YIPF5: variants seen among roughly 807,000 people sequenced by gnomAD.
YIPF5 encodes protein YIPF5.
A neutral mutation model predicts 30.4 loss-of-function variants in YIPF5; 8 were observed. The observed-to-expected ratio is 0.26, with a 90% CI of 0.15 to 0.47. The LOEUF (loss-of-function observed/expected upper bound fraction) is 0.47, where lower values mean the gene tolerates loss of function less well. YIPF5 is among the 20% of genes least tolerant of loss of function. The pLI is 0.99. For missense variants in YIPF5, 282 were observed against 301.8 expected (o/e 0.93, Z 0.49); for synonymous variants, 104 against 107.9 (o/e 0.96, Z 0.23).
chr5:144,168,813 T>C (rs1427678688), intron 2 of YIPF5, among the ~76,000 whole-genome samples: 1 of 152,226 alleles, frequency 6.6e-6, no homozygotes, highest in Non-Finnish European at 1.5e-5. Flanking sequence ...TTTTGTTTTT[T>C]AAATTCTTGG....
rs1490752989 is a variant in YIPF5 at position 144,165,615 on chromosome 5, A to G, written c.111-11T>C. 1 of 1,612,596 alleles carries G rather than the reference A, an allele frequency of 6.2e-7. No homozygotes were observed. The highest frequency in any genetic ancestry group is 8.5e-7 in the Non-Finnish European group (1 of 1,179,022). On this transcript the variant is annotated splice_polypyrimidine_tract_variant and intron_variant, in intron 2 of 5. Coordinates refer to ENST00000274496, the MANE Select transcript of YIPF5 (RefSeq NM_030799.9). The stretch of plus-strand genomic sequence containing the variant: ...TAGCCAGCATACTGTCTATAAATGA[A>G]AGAAAGTTAAATTTTTCAGAGGTAT...
intron 5 of YIPF5, among the ~76,000 whole-genome samples, chr5:144,161,499 A>C (rs1752044990): frequency 6.6e-6 from 1 of 151,776 alleles, no homozygotes. Context: ...GGCATGTGCT[A>C]CCATGCCCGG....
chr5:144,166,305 C>G (rs1297716471), intron 2 of YIPF5, among the ~76,000 whole-genome samples: 2 of 152,134 alleles, frequency 1.3e-5, no homozygotes, highest in Admixed American at 6.5e-5. Context: ...AACCCTGCAT[C>G]TAGAGGGAAA....
intron 5 of YIPF5, 141 bp from the exon 6 acceptor site, chr5:144,160,700 G>T (rs1752013744): frequency 4.2e-6 from 3 of 708,476 alleles, no homozygotes; most frequent in South Asian, 7.6e-5. Flanking sequence ...AAATAATCAG[G>T]ATTTTTTTTT....
At chr5:144,163,527 A>T (rs1752110450) in intron 4 of YIPF5, among the ~76,000 whole-genome samples, 1 of 152,190 alleles carries the variant, frequency 6.6e-6, no homozygotes, top group East Asian at 1.9e-4. Context: ...ACTCAGTTCA[A>T]GCCCAGCTCT....
At chr5:144,166,381 G>A (rs529395850) in intron 2 of YIPF5, among the ~76,000 whole-genome samples, 15 of 152,250 alleles carry the variant, frequency 9.9e-5, no homozygotes, top group African/African-American at 2.6e-4. Context: ...ACATCTTTAC[G>A]CATCTGTTCC....
rs755485684 is a variant in YIPF5, at chr5:144,160,590, G to C, written c.612-31C>G. The C allele has an allele frequency of 1.0e-5, 16 of 1,550,620 alleles. No homozygotes were observed. The South Asian group carries it at 1.7e-4, about 16-fold the overall frequency. ...AACAACAAGGAAAAAGGGGGGAGAAGAAAAAAAAGCAGATGAGATTAGTTA... is the reference window on the plus strand; with the variant it reads ...AACAACAAGGAAAAAGGGGGGAGAACAAAAAAAAGCAGATGAGATTAGTTA... On this transcript the variant is annotated intron_variant, in intron 5 of 5. Transcript: ENST00000274496.
chr5:144,161,734 C>T (rs1416609503), intron 5 of YIPF5, among the ~76,000 whole-genome samples: 1 of 152,176 alleles, frequency 6.6e-6, no homozygotes, highest in African/African-American at 2.4e-5. Context: ...CTGAGAAACA[C>T]CGCAGGCTGA....
chr5:144,164,478 T>A (rs2126759382), intron 3 of YIPF5, among the ~76,000 whole-genome samples: 1 of 152,182 alleles, frequency 6.6e-6, no homozygotes, highest in South Asian at 2.1e-4. Flanking sequence ...CTCAAACTCC[T>A]GAACTCAAAG....
Position 144,164,158 on chromosome 5 carries a change from C to A in YIPF5, c.382G>T (p.Ala128Ser), listed in dbSNP as rs1177012233. 1 of 1,613,286 alleles carries A rather than the reference C, an allele frequency of 6.2e-7. No homozygotes were observed. Among genetic ancestry groups the A allele is most frequent in the Non-Finnish European group, 8.5e-7 (1 of 1,179,622 alleles). The part of the protein sequence containing the change: ...DGSIMNETDL[A>S]GPMVFCLAFG... ...GCAAGGCAAAAAACCATTGGACCTG[C>A]CAAATCAGTTTCATTCATGATGCTG... The change falls in exon 4 of 6, where the codon GCA (alanine) becomes TCA (serine). Residue 128 changes from alanine (A) to serine (S), a missense_variant. Physicochemically the swap from Ala to Ser is moderately conservative, Grantham distance 99 (BLOSUM62 1). Coordinates refer to ENST00000274496, the MANE Select transcript of YIPF5 (RefSeq NM_030799.9).
At chr5:144,162,159 G>A (rs539807271) in intron 5 of YIPF5, 59 bp downstream of exon 5, 3 of 1,536,490 alleles carry the variant, frequency 2.0e-6, no homozygotes, top group Non-Finnish European at 2.7e-6. Context: ...CTGAAGATGA[G>A]GTGAATCCTA....
chr5:144,160,570 C>CA lies in YIPF5; in HGVS notation c.612-12dup, dbSNP rs1561512560. 6 of 1,596,550 alleles carry CA rather than the reference C, an allele frequency of 3.8e-6. No homozygotes were observed. The East Asian group carries it at 1.3e-4, about 36-fold the overall frequency. ...ATTCCTACCATTCCTCTGTAAACAA[C>CA]AAGGAAAAAGGGGGGAGAAGAAAAA... On this transcript the variant is annotated splice_polypyrimidine_tract_variant and intron_variant, in intron 5 of 5. Transcript: ENST00000274496.
rs566216485 is a variant in YIPF5 at position 144,158,963 on chromosome 5, G to C, written c.*1434C>G. 4.1e-6 allele frequency: 4 copies of C among 981,638 alleles called. No homozygotes were observed. The highest frequency in any genetic ancestry group is 1.3e-4 in the Admixed American group (2 of 15,892). 60.8% of individuals were successfully genotyped at this position (981,638 alleles called of 1,614,324 possible). On this transcript the variant is annotated 3_prime_UTR_variant, in exon 6 of 6. Transcript: ENST00000274496. The stretch of plus-strand genomic sequence containing the variant: ...TTCCTCCCTGTACCATATCTTTCTC[G>C]TAACTATAACTGAGCTTTGTCCAGA...
rs1320253315 is a variant in YIPF5 at position 144,165,561 on chromosome 5, G to C, written c.154C>G (p.Pro52Ala). ...TGTTGTGGCTGCATCATGTCTGGAG[G>C]GACAAATCTGCCTTGCTGCGAATAG... Reference protein sequence around the residue: ...YDYSQQGRFVPPDMMQPQQPY... With the variant: ...YDYSQQGRFVAPDMMQPQQPY... Residue 52 changes from proline to alanine, a missense_variant, in exon 3 of 6, where the codon CCT becomes GCT. By Grantham distance (27) the Pro-to-Ala change is conservative. Coordinates refer to ENST00000274496, the MANE Select transcript of YIPF5 (RefSeq NM_030799.9). 2 of 1,613,832 alleles carry C rather than the reference G, an allele frequency of 1.2e-6. No homozygotes were observed. Among genetic ancestry groups the C allele is most frequent in the East Asian group, 4.5e-5 (2 of 44,862 alleles).
Position 144,160,340 on chromosome 5 carries a change from A to G in YIPF5, c.*57T>C. On this transcript the variant is annotated 3_prime_UTR_variant, in exon 6 of 6. Transcript: ENST00000274496. ...CAGCAGTTTGCTGGTCCAATTTAAG[A>G]GTTCAAGGTCCTTTTTGTACATCTG... 2 of 1,557,410 alleles carry G rather than the reference A, an allele frequency of 1.3e-6. No individual in the cohort carries two copies. The highest frequency in any genetic ancestry group is 2.3e-5 in the East Asian group (1 of 44,064).
intron 4 of YIPF5, among the ~76,000 whole-genome samples, chr5:144,163,373 A>C (rs1752105558): frequency 6.6e-6 from 1 of 152,212 alleles, no homozygotes; most frequent in South Asian, 2.1e-4. Context: ...ACACTTGTAC[A>C]GTGTTTTTAA....
chr5:144,160,261 G>C lies in YIPF5; in HGVS notation c.*136C>G, dbSNP rs562629069. 2.0e-6 allele frequency: 3 copies of C among 1,488,636 alleles called. No homozygotes were observed. Among genetic ancestry groups the C allele is most frequent in the Non-Finnish European group, 2.7e-6 (3 of 1,121,736 alleles). 92.2% of individuals were successfully genotyped at this position (1,488,636 alleles called of 1,614,324 possible). A position where few individuals can be genotyped will look rare whatever the true frequency, so the allele number is the denominator to read the frequency against. ...CTATAAAAATGAACAAGAGATACAC[G>C]TTTACTTTCATTGCTCCAACAGTCA... On this transcript the variant is annotated 3_prime_UTR_variant, in exon 6 of 6. Transcript: ENST00000274496.
chr5:144,160,289 T>C lies in YIPF5; in HGVS notation c.*108A>G. The C allele has an allele frequency of 1.5e-5, 23 of 1,508,398 alleles. No homozygotes were observed. The highest frequency in any genetic ancestry group is 2.3e-5 in the East Asian group (1 of 43,860). 93.4% of individuals were successfully genotyped at this position (1,508,398 alleles called of 1,614,324 possible). A position where few individuals can be genotyped will look rare whatever the true frequency, so the allele number is the denominator to read the frequency against. On this transcript the variant is annotated 3_prime_UTR_variant, in exon 6 of 6. Coordinates refer to ENST00000274496, the MANE Select transcript of YIPF5 (RefSeq NM_030799.9). ...TACTTTCATTGCTCCAACAGTCAAATGTAAATCTGCATGAGAGTTGCGCTG... is the reference window on the plus strand; with the variant it reads ...TACTTTCATTGCTCCAACAGTCAAACGTAAATCTGCATGAGAGTTGCGCTG...
rs1403116735 is a variant in YIPF5, at chr5:144,159,613, T to G, written c.*784A>C. 1.2e-5 allele frequency: 12 copies of G among 985,210 alleles called. No individual in the cohort carries two copies. Among genetic ancestry groups the G allele is most frequent in the Non-Finnish European group, 1.4e-5 (12 of 829,864 alleles). 61.0% of individuals were successfully genotyped at this position (985,210 alleles called of 1,614,324 possible). A position where few individuals can be genotyped will look rare whatever the true frequency, so the allele number is the denominator to read the frequency against. ...AACTCATACTCTACATTTGGATCAC[T>G]TTTTTGCTTTGAGTTACCTGACTTG... On this transcript the variant is annotated 3_prime_UTR_variant, in exon 6 of 6. Coordinates refer to ENST00000274496, the MANE Select transcript of YIPF5 (RefSeq NM_030799.9).
Sources: allele counts gnomAD v4.1 joint callset (sites outside exome capture counted in the v4.1 genomes callset), GRCh38; gene constraint gnomAD v4.1.1; transcripts MANE v1.5; gene names NCBI Gene and HGNC (gene_info 2026-07-23, HGNC 2026-07-21).